Variants in DNM2 observed in about 807,000 individuals in gnomAD.
The protein encoded by DNM2 is dynamin 2, also known as dynamin-2.
Under a neutral mutation model 99.0 loss-of-function variants are expected in DNM2, and 15 were observed. The ratio of observed to expected loss-of-function variants is 0.15; its 90% CI spans 0.10 to 0.23. The LOEUF (loss-of-function observed/expected upper bound fraction) is 0.23. Among genes scored for constraint, DNM2 ranks in the 10% least tolerant of loss-of-function variants. The pLI, the probability that DNM2 is intolerant of heterozygous loss-of-function variation, is 1.00. For synonymous variants in DNM2, 525 were observed against 481.2 expected, an observed-to-expected ratio of 1.09 and a Z score of -1.19; for missense variants, 742 against 1,189.4, an observed-to-expected ratio of 0.62 and a Z score of 5.53.
intron 1 of DNM2, among the ~76,000 whole-genome samples, chr19:10,730,439 A>G (rs1314028739): frequency 6.6e-6 from 1 of 152,086 alleles, no homozygotes; most frequent in Non-Finnish European, 1.5e-5. Context: ...ACACTGTGCC[A>G]TTGCACTGCA....
Position 10,817,518 on chromosome 19 carries a change from A to C in DNM2, c.1672-2462A>C, listed in dbSNP as rs1252916725. The C allele has an allele frequency of 8.9e-6, 4 of 451,478 alleles. No homozygotes were observed. Among genetic ancestry groups the C allele is most frequent in the Non-Finnish European group, 1.8e-5 (4 of 219,416 alleles). The allele number at this position is 451,478 out of a possible 1,614,324, so 28.0% of individuals were successfully genotyped here. ...TGGCGGGGCCGGCTATCCATCCTGCAGAACCCCCCAGGCAGACGCTGGGGC... is the reference window on the plus strand; with the variant it reads ...TGGCGGGGCCGGCTATCCATCCTGCCGAACCCCCCAGGCAGACGCTGGGGC... On this transcript the variant is annotated intron_variant, in intron 15 of 20. Coordinates refer to ENST00000389253, the MANE Select transcript of DNM2 (RefSeq NM_001005361.3). This position sits in a 1 kb window ranked among gnomAD's most constrained non-coding sequence, Gnocchi z 4.6.
At chr19:10,766,079 C>G (rs999653847) in intron 2 of DNM2, among the ~76,000 whole-genome samples, 1 of 152,110 alleles carries the variant, frequency 6.6e-6, no homozygotes, top group Non-Finnish European at 1.5e-5. Flanking sequence ...GGTAGGAACC[C>G]GGAGCTGGGT....
chr19:10,798,387 C>T, intron 10 of DNM2, 99 bp from the exon 11 acceptor site: 1 of 749,846 alleles, frequency 1.3e-6, no homozygotes, highest in Non-Finnish European at 2.2e-6. Context: ...CCTCATATCT[C>T]ATTCCCCACC....
chr19:10,731,403 G>C (rs76108150), intron 1 of DNM2, among the ~76,000 whole-genome samples: 5,666 of 150,372 alleles, frequency 0.038, 120 homozygotes, highest in South Asian at 0.096. Context: ...GCCCGGGCTG[G>C]AGTGCAATGC....
intron 2 of DNM2, among the ~76,000 whole-genome samples, chr19:10,766,679 A>G (rs2070807436): frequency 6.6e-6 from 1 of 152,032 alleles, no homozygotes; most frequent in Admixed American, 6.6e-5. Context: ...AGTAGGGGAC[A>G]CAGGCTTGGG....
intron 1 of DNM2, among the ~76,000 whole-genome samples, chr19:10,735,891 G>A (rs2069505128): frequency 1.3e-5 from 2 of 152,100 alleles, no homozygotes; most frequent in Non-Finnish European, 2.9e-5. Flanking sequence ...ATATTTGTGT[G>A]GGTCCAACCT....
intron 2 of DNM2, among the ~76,000 whole-genome samples, chr19:10,766,273 G>A (rs1443405686): frequency 6.6e-6 from 1 of 152,176 alleles, no homozygotes; most frequent in Non-Finnish European, 1.5e-5. Context: ...TTGAAGATAG[G>A]GAGGGCCATT....
intron 1 of DNM2, among the ~76,000 whole-genome samples, chr19:10,736,314 A>G (rs1313066260): frequency 1.3e-5 from 2 of 152,112 alleles, no homozygotes; most frequent in Middle Eastern, 3.4e-3. Context: ...GGGTCTCACA[A>G]TGTTGCCTAG....
chr19:10,793,630 G>A (rs549554202), intron 7 of DNM2, 90 bp from the exon 8 acceptor site: 156 of 1,611,532 alleles, frequency 9.7e-5, no homozygotes, highest in Non-Finnish European at 1.3e-4. Context: ...AATGGTAAAA[G>A]AACAGTAAAC....
At position 10,777,183 on chromosome 19, in the gene DNM2, G is replaced by A. The variant is rs111845811; in HGVS notation, c.655G>A (p.Val219Ile). ...GGACGAGGGCACCGACGCCAGGGAC[G>A]TCTTGGAGAACAAGTTGCTCCCGTT... ...LMDEGTDARD[V>I]LENKLLPLRR... Residue 219 changes from valine to isoleucine, a missense_variant, in exon 5 of 21, where the codon GTC becomes ATC. Around this residue, in one of 7 missense-constraint regions of DNM2, gnomAD observed 192 missense variants for 358.9 expected, o/e 0.54. Coordinates refer to ENST00000389253, the MANE Select transcript of DNM2 (RefSeq NM_001005361.3). The A allele has an allele frequency of 1.2e-5, 19 of 1,614,200 alleles. No individual in the cohort carries two copies. In the South Asian group the frequency reaches 1.2e-4, roughly 10 times the overall value.
chr19:10,726,918 C>G (rs1267685400), intron 1 of DNM2, among the ~76,000 whole-genome samples: 1 of 152,102 alleles, frequency 6.6e-6, no homozygotes, highest in Non-Finnish European at 1.5e-5. Flanking sequence ...ATAAGCGTGT[C>G]CAGACAACCG....
At chr19:10,828,934 T>C (rs1435484364) in intron 18 of DNM2, 102 bp from the exon 19 acceptor site, 1 of 1,260,822 alleles carries the variant, frequency 7.9e-7, no homozygotes, top group Non-Finnish European at 1.1e-6. Context: ...CAAAAAAGTC[T>C]GGGGGTGGCC....
At chr19:10,753,548 A>G (rs191579265) in intron 1 of DNM2, among the ~76,000 whole-genome samples, 2 of 151,666 alleles carry the variant, frequency 1.3e-5, no homozygotes, top group Admixed American at 6.6e-5. Context: ...AGGGAGTTAC[A>G]TGTCTAGAAA....
At chr19:10,798,729 T>TGCCCCTTTGTAGTCAACCTCTCAAAAA (rs2072028819) in intron 11 of DNM2, among the ~76,000 whole-genome samples, 157 bp downstream of exon 11, 1 of 150,124 alleles carries the variant, frequency 6.7e-6, no homozygotes. Flanking sequence ...CCTGTCCCTA[T>TGCCCCTTTGTAGTCAACCTCTCAAAAA]CATGCTGACA....
Position 10,765,085 on chromosome 19 carries a change from G to A in DNM2, c.235+5274G>A, listed in dbSNP as rs990650236. Among the ~76,000 whole-genome samples, 7 of 151,770 alleles carry A rather than the reference G, an allele frequency of 4.6e-5. No homozygotes were observed. Among genetic ancestry groups the A allele is most frequent in the Non-Finnish European group, 8.8e-5 (6 of 67,980 alleles). ...CCATGCTCCTGTCTCAGCCTCCGGC[G>A]TAGCTGGGACTACAGGCGCCCGCCA... On this transcript the variant is annotated intron_variant, in intron 2 of 20. Coordinates refer to ENST00000389253, the MANE Select transcript of DNM2 (RefSeq NM_001005361.3). The surrounding 1 kb of genome is among the most constrained non-coding windows in gnomAD (Gnocchi z 4.4).
At chr19:10,797,584 C>G in intron 10 of DNM2, 66 bp downstream of exon 10, 2 of 1,611,504 alleles carry the variant, frequency 1.2e-6, no homozygotes, top group South Asian at 2.2e-5. Context: ...TAGTCTCAAC[C>G]CGAGCATCTG....
chr19:10,810,694 G>A (rs2072510000), intron 14 of DNM2: 3 of 152,264 alleles, frequency 2.0e-5, no homozygotes, highest in African/African-American at 7.2e-5. Context: ...TAGGAGTATG[G>A]AGGCCTCACA....
rs768413935 is a variant in DNM2, at chr19:10,798,549, C to T, written c.1399C>T (p.Arg467Trp). The change falls in exon 11 of 21, where the codon CGG becomes TGG. Residue 467 changes from arginine (R) to tryptophan (W), a missense_variant. Coordinates refer to ENST00000389253, the MANE Select transcript of DNM2 (RefSeq NM_001005361.3). The stretch of plus-strand genomic sequence containing the variant: ...AATCGTCACCACTTACATCCGGGAA[C>T]GGGAGGGGAGAACGAAGGACCAGGT... ...ERIVTTYIRE[R>W]EGRTKDQILL... The T allele has an allele frequency of 6.8e-6, 11 of 1,614,102 alleles. No homozygotes were observed. The highest frequency in any genetic ancestry group is 1.7e-5 in the Admixed American group (1 of 60,012).
intron 2 of DNM2, among the ~76,000 whole-genome samples, chr19:10,762,341 A>G (rs2070661918): frequency 6.6e-6 from 1 of 152,094 alleles, no homozygotes; most frequent in Admixed American, 6.6e-5. Context: ...CCCGGCCACA[A>G]ACTGCATTTT....
Sources: gnomAD v4.1 joint callset for allele counts (sites outside exome capture counted in the v4.1 genomes callset) on GRCh38, gnomAD v4.1.1 for gene constraint, gnomAD v4.1.1 regional missense constraint, Gnocchi (gnomAD v3.1) non-coding constraint, MANE v1.5 for transcripts, NCBI Gene and HGNC (gene_info 2026-07-23, HGNC 2026-07-21) for gene names.